Variants in KCNIP4 observed in about 807,000 individuals in gnomAD.
KCNIP4 encodes Kv channel-interacting protein 4.
KCNIP4 carries 12 observed loss-of-function variants against 34.0 expected under a neutral mutation model. The observed-to-expected ratio is 0.35, with a 90% CI of 0.23 to 0.57. The LOEUF (loss-of-function observed/expected upper bound fraction) is 0.57, where lower values mean the gene tolerates loss of function less well. KCNIP4 is among the 20% of genes least tolerant of loss of function. KCNIP4 has a pLI of 0.83. For missense variants in KCNIP4, 238 were observed against 311.7 expected, an observed-to-expected ratio of 0.76 and a Z score of 1.78; for synonymous variants, 124 against 102.2, an observed-to-expected ratio of 1.21 and a Z score of -1.29.
chr4:20,753,861 C>G (rs1334111043), intron 4 of KCNIP4, among the ~76,000 whole-genome samples: 2 of 152,118 alleles, frequency 1.3e-5, no homozygotes, highest in Admixed American at 1.3e-4. Context: ...ACAGCGGCTG[C>G]TTAAAAAATG....
intron 1 of KCNIP4, among the ~76,000 whole-genome samples, chr4:21,024,037 CCTT>C (rs1740319702): frequency 6.6e-6 from 1 of 152,148 alleles, no homozygotes; most frequent in South Asian, 2.1e-4. Context: ...CTTTGGAAAA[CCTT>C]CTGGTAATTC....
chr4:21,370,602 T>C (rs1460441598), intron 1 of KCNIP4, among the ~76,000 whole-genome samples: 1 of 142,408 alleles, frequency 7.0e-6, no homozygotes, highest in Non-Finnish European at 1.5e-5. Flanking sequence ...AGGGAGATTT[T>C]CTGGTTTTAA....
At chr4:21,761,156 C>T (rs1718021737) in intron 1 of KCNIP4, among the ~76,000 whole-genome samples, 1 of 152,054 alleles carries the variant, frequency 6.6e-6, no homozygotes, top group African/African-American at 2.4e-5. Flanking sequence ...GGCTGGAGTG[C>T]TGTAGCATGA....
At chr4:20,770,152 T>G (rs1485970418) in intron 3 of KCNIP4, among the ~76,000 whole-genome samples, 1 of 152,198 alleles carries the variant, frequency 6.6e-6, no homozygotes, top group Non-Finnish European at 1.5e-5. Flanking sequence ...CAGTTTTTGT[T>G]TAACAACAGT....
chr4:21,299,134 T>C (rs1578042753), intron 1 of KCNIP4, among the ~76,000 whole-genome samples: 1 of 152,248 alleles, frequency 6.6e-6, no homozygotes, highest in Admixed American at 6.5e-5. Flanking sequence ...AGCCATACTA[T>C]ACTATATTAC....
intron 1 of KCNIP4, among the ~76,000 whole-genome samples, chr4:21,555,331 T>C (rs749139076): frequency 9.2e-5 from 14 of 152,168 alleles, no homozygotes; most frequent in Admixed American, 4.6e-4. Flanking sequence ...ACATGAGTTC[T>C]GAAAATCAAT....
chr4:21,684,776 G>A (rs192980458), intron 1 of KCNIP4, among the ~76,000 whole-genome samples: 6 of 152,074 alleles, frequency 3.9e-5, no homozygotes, highest in Admixed American at 2.0e-4. Context: ...CCATTAACTC[G>A]TCATTTACAT....
chr4:21,557,939 G>A (rs1285569107), intron 1 of KCNIP4, among the ~76,000 whole-genome samples: 1 of 152,108 alleles, frequency 6.6e-6, no homozygotes, highest in Non-Finnish European at 1.5e-5. Context: ...TGGGATATAC[G>A]AATGAAGGGT....
At chr4:20,906,930 T>G (rs1727829295) in intron 1 of KCNIP4, among the ~76,000 whole-genome samples, 1 of 152,118 alleles carries the variant, frequency 6.6e-6, no homozygotes. Context: ...ATTTGTAAGG[T>G]TTGGGGCATT....
Position 21,778,722 on chromosome 4 carries a change from G to A in KCNIP4, c.61+169849C>T, listed in dbSNP as rs1371203567. 2.0e-5 allele frequency among the ~76,000 whole-genome samples: 3 copies of A among 151,980 alleles called. No homozygotes were observed. The East Asian group carries it at 5.8e-4, about 29-fold the overall frequency. On this transcript the variant is annotated intron_variant, in intron 1 of 8. Transcript: ENST00000382152. ...CAAATTAAGGCATAATGTAAAAATC[G>A]GATTCTTGGAGGAACTAGGTGATAT...
intron 1 of KCNIP4, among the ~76,000 whole-genome samples, chr4:21,743,801 C>T (rs1270211705): frequency 6.7e-6 from 1 of 149,150 alleles, no homozygotes; most frequent in Non-Finnish European, 1.5e-5. Flanking sequence ...TTATTTTCTG[C>T]AAATTACACA....
At chr4:20,806,387 C>CTG (rs1177865714) in intron 3 of KCNIP4, among the ~76,000 whole-genome samples, 6 of 152,016 alleles carry the variant, frequency 3.9e-5, no homozygotes, top group Non-Finnish European at 8.8e-5. Context: ...GAGGCAACTA[C>CTG]TTCAATGCAT....
chr4:21,660,055 C>T (rs775046882), intron 1 of KCNIP4, among the ~76,000 whole-genome samples: 3 of 152,154 alleles, frequency 2.0e-5, no homozygotes, highest in Non-Finnish European at 2.9e-5. Flanking sequence ...ACAATGTGCT[C>T]CTATATCCTA....
chr4:20,925,862 A>G (rs1412169478), intron 1 of KCNIP4, among the ~76,000 whole-genome samples: 1 of 152,204 alleles, frequency 6.6e-6, no homozygotes, highest in Non-Finnish European at 1.5e-5. Flanking sequence ...CAGACTTCCA[A>G]TAACTCTTTC....
chr4:21,199,996 A>G (rs1303872527), intron 1 of KCNIP4, among the ~76,000 whole-genome samples: 1 of 151,998 alleles, frequency 6.6e-6, no homozygotes, highest in East Asian at 1.9e-4. Flanking sequence ...AACAATGAGA[A>G]CACCTGGACA....
intron 1 of KCNIP4, among the ~76,000 whole-genome samples, chr4:21,205,864 A>G (rs1225810266): frequency 6.6e-6 from 1 of 152,216 alleles, no homozygotes; most frequent in East Asian, 1.9e-4. Context: ...TCAAAGCCCT[A>G]TGGTTAATCA....
At chr4:21,696,013 G>A (rs1712267394) in intron 1 of KCNIP4, among the ~76,000 whole-genome samples, 1 of 151,996 alleles carries the variant, frequency 6.6e-6, no homozygotes, top group South Asian at 2.1e-4. Context: ...ACAGAGCTCC[G>A]AGTTGGCAAA....
chr4:21,130,709 A>C (rs537383531), intron 1 of KCNIP4, among the ~76,000 whole-genome samples: 1 of 152,324 alleles, frequency 6.6e-6, no homozygotes, highest in East Asian at 1.9e-4. Flanking sequence ...CTGTTTACAA[A>C]TTTGCCCTAT....
At chr4:20,855,403 A>G (rs971249563) in intron 2 of KCNIP4, among the ~76,000 whole-genome samples, 2 of 152,172 alleles carry the variant, frequency 1.3e-5, no homozygotes, top group African/African-American at 4.8e-5. Flanking sequence ...AGAAGGGTCT[A>G]AGGATAACAG....
Sources: gnomAD v4.1 joint callset for allele counts (sites outside exome capture counted in the v4.1 genomes callset) on GRCh38, gnomAD v4.1.1 for gene constraint, MANE v1.5 for transcripts, NCBI Gene and HGNC (gene_info 2026-07-23, HGNC 2026-07-21) for gene names.